The following WNT9B variants were observed in gnomAD, a reference collection of about 807,000 sequenced individuals.
WNT9B encodes Wnt family member 9B.
In WNT9B, 12 loss-of-function variants were observed where a neutral mutation model predicts 30.2. The ratio of observed to expected loss-of-function variants is 0.40; its 90% CI spans 0.26 to 0.64. The LOEUF (loss-of-function observed/expected upper bound fraction) is 0.64. Among genes scored for constraint, WNT9B ranks in the 30% least tolerant of loss-of-function variants. The pLI, the probability that WNT9B is intolerant of heterozygous loss-of-function variation, is 0.42. For missense variants in WNT9B, 442 were observed against 485.2 expected (o/e 0.91, Z 0.84); for synonymous variants, 218 against 216.9 (o/e 1.01, Z -0.05).
chr17:46,867,507 T>C (rs2085159529), intron 1 of WNT9B, among the ~76,000 whole-genome samples: 1 of 152,232 alleles, frequency 6.6e-6, no homozygotes, highest in Non-Finnish European at 1.5e-5. Context: ...CAGAACAGCC[T>C]TGGGGCATGA....
At chr17:46,870,551 C>T (rs2085223172) in intron 1 of WNT9B, among the ~76,000 whole-genome samples, 1 of 152,262 alleles carries the variant, frequency 6.6e-6, no homozygotes, top group Non-Finnish European at 1.5e-5. Flanking sequence ...TAGCATCTGT[C>T]TCTGCTCGGA....
downstream of WNT9B, among the ~76,000 whole-genome samples, chr17:46,883,481 C>T (rs1259020810): frequency 5.9e-5 from 9 of 151,922 alleles, no homozygotes; most frequent in African/African-American, 2.2e-4. Flanking sequence ...GACGGGGTTT[C>T]ACCATGTTGG....
At chr17:46,834,494 G>C (rs368094661) in intron 1 of WNT9B, among the ~76,000 whole-genome samples, 1 of 152,186 alleles carries the variant, frequency 6.6e-6, no homozygotes, top group African/African-American at 2.4e-5. Context: ...CTTTACAACA[G>C]GGGGTACGGA....
intron 2 of WNT9B, 174 bp from the exon 3 acceptor site, chr17:46,874,927 T>A (rs1254422173): frequency 5.0e-5 from 50 of 991,274 alleles, no homozygotes; most frequent in Non-Finnish European, 7.7e-5. Flanking sequence ...AAGGGGCAGT[T>A]GACAGGGAGA....
chr17:46,851,477 G>A (rs916169342), upstream of WNT9B: 7 of 344,434 alleles, frequency 2.0e-5, no homozygotes, highest in African/African-American at 1.5e-4. The surrounding 1 kb of genome is among the most constrained non-coding windows in gnomAD (Gnocchi z 4.3). Flanking sequence ...CCAATGGGGC[G>A]GGGGGCTCGC....
chr17:46,853,363 CTTT>C (rs35252647), intron 1 of WNT9B, among the ~76,000 whole-genome samples: 21 of 78,904 alleles, frequency 2.7e-4, no homozygotes, highest in African/African-American at 1.1e-3. Context: ...ATGCTAGTGA[CTTT>C]TTTTTTTTTT....
intron 1 of WNT9B, among the ~76,000 whole-genome samples, chr17:46,836,320 A>G (rs955658185): frequency 1.3e-5 from 2 of 152,030 alleles, no homozygotes; most frequent in African/African-American, 4.8e-5. Flanking sequence ...CATTCCTTGG[A>G]ACTGCTGTTT....
chr17:46,877,375 A>T lies in WNT9B; in HGVS notation c.*657A>T, dbSNP rs778662348. ...TGTGCCCTGGAGCCCTGTGTCCTTG[A>T]TTTGGCTTTTCAAATATGCCTCCGC... On this transcript the variant is annotated 3_prime_UTR_variant, in exon 4 of 4. Coordinates refer to ENST00000290015, the MANE Select transcript of WNT9B (RefSeq NM_003396.3). Among the ~76,000 whole-genome samples the T allele has an allele frequency of 6.6e-6, 1 of 152,120 alleles. No homozygotes were observed. The highest frequency in any genetic ancestry group is 1.5e-5 in the Non-Finnish European group (1 of 68,014).
chr17:46,860,744 C>T, intron 1 of WNT9B, among the ~76,000 whole-genome samples: 1 of 152,220 alleles, frequency 6.6e-6, no homozygotes, highest in African/African-American at 2.4e-5. Context: ...CTGTACAATT[C>T]AGAACAAACC....
intron 1 of WNT9B, among the ~76,000 whole-genome samples, chr17:46,844,991 G>T (rs868676954): frequency 6.6e-6 from 1 of 152,146 alleles, no homozygotes; most frequent in African/African-American, 2.4e-5. Context: ...GGGACTACCG[G>T]CATGCACCAC....
At position 46,836,288 on chromosome 17, in the gene WNT9B, C is replaced by T. The variant is rs369371969; in HGVS notation, c.95+2848C>T. Among the ~76,000 whole-genome samples, 139 of 152,196 alleles carry T rather than the reference C, an allele frequency of 9.1e-4. 4 individuals are homozygous for T. Among genetic ancestry groups the T allele is most frequent in the African/African-American group, 3.3e-3 (135 of 41,524 alleles). ...TTCAACTGGGGCTCCCAGGGAAATC[C>T]AGGGCTGCAGGGACATAATTGCATT... is the stretch of plus-strand genomic sequence containing the variant. On this transcript the variant is annotated intron_variant, in intron 1 of 2. Transcript: ENST00000575372.
chr17:46,882,306 T>G (rs1433205875), downstream of WNT9B, among the ~76,000 whole-genome samples: 2 of 152,244 alleles, frequency 1.3e-5, no homozygotes, highest in Non-Finnish European at 2.9e-5. Context: ...ACAGTGATAG[T>G]TTGAAGAGTC....
chr17:46,851,621 C>G lies in WNT9B; in HGVS notation c.-18C>G. The G allele has an allele frequency of 8.0e-7, 1 of 1,249,500 alleles. No homozygotes were observed. The highest frequency in any genetic ancestry group is 1.0e-6 in the Non-Finnish European group (1 of 997,126). The allele number at this position is 1,249,500 out of a possible 1,614,324, so 77.4% of individuals were successfully genotyped here. ...AGCGGCGCGAGGAGATGCTAGAGGG[C>G]GCAGCGCCGCCAGCACCATGCGCCC... On this transcript the variant is annotated 5_prime_UTR_variant, in exon 1 of 4. Coordinates refer to ENST00000290015, the MANE Select transcript of WNT9B (RefSeq NM_003396.3). This position sits in a 1 kb window ranked among gnomAD's most constrained non-coding sequence, Gnocchi z 4.3.
chr17:46,870,967 G>C (rs1395478227), intron 1 of WNT9B, among the ~76,000 whole-genome samples: 1 of 140,472 alleles, frequency 7.1e-6, no homozygotes, highest in African/African-American at 2.7e-5. Context: ...CTGGAGTGCA[G>C]TGATGCGATC....
At chr17:46,866,668 G>A (rs1475804550) in intron 1 of WNT9B, among the ~76,000 whole-genome samples, 1 of 152,088 alleles carries the variant, frequency 6.6e-6, no homozygotes, top group Non-Finnish European at 1.5e-5. Flanking sequence ...CGGTTCCCAG[G>A]CAGCTGCCTG....
exon 1 of WNT9B, chr17:46,833,410 G>A: frequency 1.9e-6 from 1 of 517,866 alleles, no homozygotes. Context: ...AGTCCTGGGA[G>A]CCTTACCAGC....
intron 2 of WNT9B, among the ~76,000 whole-genome samples, chr17:46,873,272 C>T (rs2085286445): frequency 6.6e-6 from 1 of 152,140 alleles, no homozygotes; most frequent in African/African-American, 2.4e-5. Flanking sequence ...CCCTCCTTCC[C>T]TTCCACTCCC....
intron 1 of WNT9B, among the ~76,000 whole-genome samples, chr17:46,862,338 C>T (rs1409223848): frequency 1.3e-5 from 2 of 152,098 alleles, no homozygotes; most frequent in Middle Eastern, 3.2e-3. Context: ...TGGGGCAGCA[C>T]CTGTAATCAG....
downstream of WNT9B, among the ~76,000 whole-genome samples, chr17:46,884,145 C>T (rs1401175953): frequency 6.6e-6 from 1 of 152,176 alleles, no homozygotes; most frequent in Non-Finnish European, 1.5e-5. Flanking sequence ...CGGTAGCCCC[C>T]CGGGACCCCC....
Sources: gnomAD v4.1 joint callset for allele counts (sites outside exome capture counted in the v4.1 genomes callset) on GRCh38, gnomAD v4.1.1 for gene constraint, Gnocchi (gnomAD v3.1) non-coding constraint, MANE v1.5 for transcripts, NCBI Gene and HGNC (gene_info 2026-07-23, HGNC 2026-07-21) for gene names.